The following ANK2 variants were observed in gnomAD, a reference collection of about 807,000 sequenced individuals.
ANK2 encodes the protein ankyrin-2.
A neutral mutation model predicts 360.5 loss-of-function variants in ANK2; 83 were observed. The observed-to-expected ratio is 0.23, with a 90% CI of 0.19 to 0.28. The LOEUF is 0.28. ANK2 is among the 10% of genes least tolerant of loss of function. ANK2 has a pLI of 1.00. For missense variants in ANK2, 4,201 were observed against 4,795.7 expected, an observed-to-expected ratio of 0.88 and a Z score of 3.66; for synonymous variants, 1,740 against 1,759.5, an observed-to-expected ratio of 0.99 and a Z score of 0.28.
intron 1 of ANK2, among the ~76,000 whole-genome samples, chr4:112,880,010 A>G (rs533138701): frequency 2.3e-4 from 35 of 152,146 alleles, no homozygotes; most frequent in Admixed American, 5.9e-4. Context: ...CAAAAGTGAT[A>G]TGGCCTTTAT....
chr4:112,787,345 G>A, the ANK2 span, among the ~76,000 whole-genome samples: 3 of 152,108 alleles, frequency 2.0e-5, no homozygotes, highest in South Asian at 2.1e-4. Context: ...TCTATTCAGG[G>A]TAGACTTGTG....
chr4:112,749,191 C>T, the ANK2 span, among the ~76,000 whole-genome samples: 3 of 152,194 alleles, frequency 2.0e-5, no homozygotes, highest in African/African-American at 7.2e-5. Context: ...TGAGCCACCG[C>T]GCCTGGCCTG....
chr4:113,165,657 TTA>T (rs2097725874), intron 1 of ANK2, among the ~76,000 whole-genome samples: 1 of 152,136 alleles, frequency 6.6e-6, no homozygotes. Flanking sequence ...CTTCTAGTTC[TTA>T]TGTTATTCTC....
Position 113,358,350 on chromosome 4 carries a change from C to G in ANK2, c.9732C>G (p.Cys3244Trp). Reference sequence around the variant, plus strand: ...TCTCTGGTGTAAAGCAGATATCCTGCCCCGACTCTTCTGAACCAGCTGTAC... The same window carrying G: ...TCTCTGGTGTAAAGCAGATATCCTGGCCCGACTCTTCTGAACCAGCTGTAC... Reference protein sequence around the residue: ...PPLSGVKQISCPDSSEPAVQV... With the variant: ...PPLSGVKQISWPDSSEPAVQV... Residue 3244 changes from cysteine (C) to tryptophan (W), a missense_variant, in exon 38 of 46, where the codon TGC (cysteine) becomes TGG (tryptophan). By Grantham distance (215) the Cys-to-Trp change is radical. Around this residue, in one of 4 missense-constraint regions of ANK2, gnomAD observed 2,642 missense variants for 2,714.5 expected, o/e 0.97. Coordinates refer to ENST00000357077, the MANE Select transcript of ANK2 (RefSeq NM_001148.6). 6.2e-7 allele frequency: 1 copy of G among 1,613,966 alleles called. No homozygotes were observed.
At chr4:113,099,848 A>T (rs1267940628) in intron 1 of ANK2, among the ~76,000 whole-genome samples, 2 of 152,046 alleles carry the variant, frequency 1.3e-5, no homozygotes, top group African/African-American at 4.8e-5. Context: ...TTTTTGACCA[A>T]GATAAAAGGC....
chr4:113,142,814 G>C (rs1414302314), intron 1 of ANK2, among the ~76,000 whole-genome samples: 3 of 152,012 alleles, frequency 2.0e-5, no homozygotes, highest in African/African-American at 7.3e-5. Context: ...TTACTTGGTT[G>C]GTTCATACTC....
intron 2 of ANK2, among the ~76,000 whole-genome samples, chr4:113,043,578 T>C (rs2063507100): frequency 6.6e-6 from 1 of 152,160 alleles, no homozygotes; most frequent in Admixed American, 6.6e-5. Context: ...GGTTGACCAG[T>C]GGCTTTTTCA....
intron 1 of ANK2, among the ~76,000 whole-genome samples, chr4:112,899,655 T>C (rs953841956): frequency 4.6e-5 from 7 of 152,190 alleles, no homozygotes; most frequent in African/African-American, 1.7e-4. Flanking sequence ...GTTTTAGTGG[T>C]AGTGTCTTAG....
At chr4:113,133,344 C>T (rs1359480274) in intron 1 of ANK2, among the ~76,000 whole-genome samples, 1 of 152,068 alleles carries the variant, frequency 6.6e-6, no homozygotes, top group Non-Finnish European at 1.5e-5. Flanking sequence ...ACTCTATACT[C>T]GACTTTTTAC....
chr4:113,139,950 A>AAAG, intron 1 of ANK2, among the ~76,000 whole-genome samples: 1 of 152,228 alleles, frequency 6.6e-6, no homozygotes, highest in Non-Finnish European at 1.5e-5. Context: ...ATAAACAGTA[A>AAAG]AAGTCATTTA....
chr4:113,335,096 T>C (rs1316195265), intron 29 of ANK2, among the ~76,000 whole-genome samples: 1 of 152,166 alleles, frequency 6.6e-6, no homozygotes, highest in East Asian at 1.9e-4. Flanking sequence ...GTGATCTATA[T>C]AGTGCACATT....
intron 1 of ANK2, among the ~76,000 whole-genome samples, chr4:113,153,014 T>C (rs72673439): frequency 2.0e-5 from 3 of 152,306 alleles, no homozygotes; most frequent in South Asian, 2.1e-4. Context: ...TGTGTAATAG[T>C]AGAGATTATA....
intron 24 of ANK2, among the ~76,000 whole-genome samples, chr4:113,313,974 G>A (rs1197550156): frequency 6.6e-6 from 1 of 152,124 alleles, no homozygotes; most frequent in Non-Finnish European, 1.5e-5. Flanking sequence ...AACAATCACT[G>A]CTGCACCTGT....
intron 1 of ANK2, among the ~76,000 whole-genome samples, chr4:113,072,169 G>A (rs2077826206): frequency 6.6e-6 from 1 of 152,208 alleles, no homozygotes; most frequent in Non-Finnish European, 1.5e-5. Context: ...CACTGTCTGT[G>A]TTTCTCTCCC....
At chr4:112,953,071 AC>A (rs1185392041) in intron 2 of ANK2, among the ~76,000 whole-genome samples, 1 of 152,196 alleles carries the variant, frequency 6.6e-6, no homozygotes, top group Non-Finnish European at 1.5e-5. Context: ...ATAAATCTCC[AC>A]TTTTCAAGTA....
At chr4:113,233,104 CTGTTTTTTTTTTTTTT>C (rs1467285398) in intron 5 of ANK2, among the ~76,000 whole-genome samples, 805 of 29,308 alleles carry the variant, frequency 0.027, 209 homozygotes, top group African/African-American at 0.065. Flanking sequence ...CTTGGCTTTT[CTGTTTTTTTTTTTTTT>C]TTTTTTTTTT....
chr4:113,258,334 G>A lies in ANK2; in HGVS notation c.1309G>A (p.Val437Met), dbSNP rs749399292. 2 of 1,614,088 alleles carry A rather than the reference G, an allele frequency of 1.2e-6. No individual in the cohort carries two copies. The highest frequency in any genetic ancestry group is 1.7e-6 in the Non-Finnish European group (2 of 1,180,032). ...ITESGLTPIH[V>M]AAFMGHLNIV... ...GCAGTCTGGCCTCACACCAATACATGTGGCTGCCTTCATGGGCCACTTGAA... is the reference window on the plus strand; with the variant it reads ...GCAGTCTGGCCTCACACCAATACATATGGCTGCCTTCATGGGCCACTTGAA... The change falls in exon 13 of 46, where the codon GTG becomes ATG. Residue 437 changes from valine to methionine, a missense_variant. Around this residue, in one of 4 missense-constraint regions of ANK2, gnomAD observed 1,268 missense variants for 1,650.8 expected, o/e 0.77. Transcript: ENST00000357077.
intron 1 of ANK2, among the ~76,000 whole-genome samples, chr4:112,837,666 A>G (rs1484996446): frequency 2.0e-5 from 3 of 152,232 alleles, no homozygotes; most frequent in Non-Finnish European, 4.4e-5. Context: ...TTGCATCAGC[A>G]TTCCCTGGAT....
At chr4:112,843,031 CCTT>C (rs2062483762) in intron 1 of ANK2, among the ~76,000 whole-genome samples, 1 of 152,166 alleles carries the variant, frequency 6.6e-6, no homozygotes, top group Non-Finnish European at 1.5e-5. Flanking sequence ...TGTCACATCA[CCTT>C]CTTCCTCTTT....
Sources: gnomAD v4.1 joint callset for allele counts (sites outside exome capture counted in the v4.1 genomes callset) on GRCh38, gnomAD v4.1.1 for gene constraint, gnomAD v4.1.1 regional missense constraint, MANE v1.5 for transcripts, NCBI Gene and HGNC (gene_info 2026-07-23, HGNC 2026-07-21) for gene names.